CTPS2: variants seen among roughly 807,000 people sequenced by gnomAD.
The protein encoded by CTPS2 is CTP synthase 2.
A neutral mutation model predicts 46.8 loss-of-function variants in CTPS2; 19 were observed. That is an observed-to-expected ratio of 0.41 (90% CI 0.28 to 0.60). The LOEUF is 0.60. Ranked by LOEUF, CTPS2 falls within the 20% of genes least tolerant of loss-of-function variation. CTPS2 has a pLI of 0.35. For missense variants in CTPS2, 286 were observed against 447.6 expected (o/e 0.64, Z 3.26); for synonymous variants, 151 against 165.2 (o/e 0.91, Z 0.66).
intron 13 of CTPS2, among the ~76,000 whole-genome samples, chrX:16,662,698 CT>C (rs760420123): frequency 0.36 from 34,101 of 93,945 alleles, 5,251 homozygotes; most frequent in Non-Finnish European, 0.43. Context: ...TCTCCTTAGT[CT>C]TTTTTTTTTT....
At chrX:16,667,601 A>C (rs759164852) in intron 12 of CTPS2, 44 bp from the exon 13 acceptor site, 1 of 1,203,365 alleles carries the variant, frequency 8.3e-7, no homozygotes, top group African/African-American at 1.8e-5. Context: ...AATAGTGCTG[A>C]AAAATATTTG....
intron 16 of CTPS2, 129 bp from the exon 17 acceptor site, chrX:16,609,814 C>G (rs183297425): frequency 7.4e-4 from 493 of 666,969 alleles, no homozygotes; most frequent in Non-Finnish European, 9.2e-4. Flanking sequence ...ATCATTACAG[C>G]CAGTTACTTT....
chrX:16,602,618 T>TA (rs1929733521), intron 17 of CTPS2, among the ~76,000 whole-genome samples: 1 of 111,936 alleles, frequency 8.9e-6, no homozygotes, highest in Non-Finnish European at 1.9e-5. Context: ...TTCATGCAAC[T>TA]TGGAAAAATG....
chrX:16,648,493 A>T (rs1008782508), intron 13 of CTPS2, among the ~76,000 whole-genome samples: 14 of 112,596 alleles, frequency 1.2e-4, no homozygotes, highest in Non-Finnish European at 2.2e-4. Flanking sequence ...AAAGATGTTT[A>T]AAAAAAGATA....
chrX:16,664,957 C>A (rs1345260609), intron 13 of CTPS2, among the ~76,000 whole-genome samples: 1 of 111,299 alleles, frequency 9.0e-6, no homozygotes. Context: ...ATACAAATAC[C>A]CTAATTTTAA....
Position 16,667,442 on chromosome X carries a change from C to T in CTPS2, c.1296+72G>A, listed in dbSNP as rs934292322. The T allele has an allele frequency of 1.5e-4, 166 of 1,098,417 alleles. No homozygotes were observed. In the East Asian group the frequency reaches 4.8e-3, roughly 32 times the overall value. 90.5% of individuals were successfully genotyped at this position (1,098,417 alleles called of 1,213,427 possible). The stretch of plus-strand genomic sequence containing the variant: ...AGCCATGGCGCCCAGCCAATAGCCC[C>T]TTATGAATTTAGGCAAGAGCCAGGA... On this transcript the variant is annotated intron_variant, in intron 13 of 18. Coordinates refer to ENST00000359276, the MANE Select transcript of CTPS2 (RefSeq NM_175859.3).
chrX:16,656,873 G>GTT (rs200709483), intron 13 of CTPS2, among the ~76,000 whole-genome samples: 4 of 110,578 alleles, frequency 3.6e-5, no homozygotes, highest in East Asian at 5.7e-4. Flanking sequence ...GTTTTTTTGT[G>GTT]TTTTTTTGTT....
At chrX:16,676,964 CA>C (rs1054686920) in intron 10 of CTPS2, among the ~76,000 whole-genome samples, 3 of 106,936 alleles carry the variant, frequency 2.8e-5, no homozygotes, top group Non-Finnish European at 5.7e-5. Flanking sequence ...GAGGCTGAGG[CA>C]GAAGAATTGC....
intron 16 of CTPS2, among the ~76,000 whole-genome samples, chrX:16,610,980 A>G (rs781215085): frequency 7.3e-4 from 82 of 112,162 alleles, no homozygotes; most frequent in African/African-American, 2.5e-3. Flanking sequence ...AATGGGAGCT[A>G]AACATTGGGT....
At chrX:16,676,370 A>AAATT (rs1456031946) in intron 10 of CTPS2, among the ~76,000 whole-genome samples, 1 of 111,662 alleles carries the variant, frequency 9.0e-6, no homozygotes, top group Non-Finnish European at 1.9e-5. Context: ...TTATCTTGGG[A>AAATT]CCTCAAAAAG....
intron 15 of CTPS2, among the ~76,000 whole-genome samples, chrX:16,619,117 A>G (rs4831046): frequency 0.044 from 4,986 of 112,295 alleles, 145 homozygotes; most frequent in East Asian, 0.16. Flanking sequence ...AATGTCCTAC[A>G]TGTACCAAAT....
At chrX:16,599,852 C>T (rs1310937268) in intron 17 of CTPS2, among the ~76,000 whole-genome samples, 1 of 107,164 alleles carries the variant, frequency 9.3e-6, no homozygotes, top group Non-Finnish European at 1.9e-5. Context: ...GTGACCTTGG[C>T]TCACTGCAAC....
chrX:16,635,303 C>T (rs1421654991), intron 14 of CTPS2, among the ~76,000 whole-genome samples: 1 of 111,117 alleles, frequency 9.0e-6, no homozygotes, highest in Non-Finnish European at 1.9e-5. Context: ...AGAAATGTAC[C>T]AGCTTATAAA....
chrX:16,616,667 C>T (rs1330198024), intron 16 of CTPS2, among the ~76,000 whole-genome samples: 1 of 111,594 alleles, frequency 9.0e-6, no homozygotes, highest in East Asian at 2.8e-4. Flanking sequence ...TGGAGTCAGA[C>T]TAATAGGCTC....
At chrX:16,707,743 C>T (rs1043789349) in intron 1 of CTPS2, among the ~76,000 whole-genome samples, 2 of 112,094 alleles carry the variant, frequency 1.8e-5, no homozygotes, top group Non-Finnish European at 1.9e-5. Flanking sequence ...GAGGCCAAGG[C>T]GGGCGGATCA....
At chrX:16,709,611 G>A (rs1275031620) in intron 1 of CTPS2, among the ~76,000 whole-genome samples, 3 of 110,484 alleles carry the variant, frequency 2.7e-5, no homozygotes, top group Non-Finnish European at 5.7e-5. Flanking sequence ...AACACTTTGG[G>A]AGGCCAAGGC....
chrX:16,657,189 CT>C lies in CTPS2; in HGVS notation c.1296+10324del, dbSNP rs770294993. On this transcript the variant is annotated intron_variant, in intron 13 of 18. Transcript: ENST00000359276. ...ACAGGCATGAGCCACCATGCCCGGC[CT>C]TTTTTTTTTTTTTTTTTTTAATCTA... Among the ~76,000 whole-genome samples the C allele has an allele frequency of 6.1e-3, 516 of 84,601 alleles. 6 individuals are homozygous for C. Among genetic ancestry groups the C allele is most frequent in the African/African-American group, 0.016 (358 of 22,532 alleles). The allele number at this position is 84,601 out of a possible 115,157, so 73.5% of individuals were successfully genotyped here.
chrX:16,694,614 G>A (rs961361389), intron 4 of CTPS2, among the ~76,000 whole-genome samples: 23 of 112,706 alleles, frequency 2.0e-4, no homozygotes, highest in African/African-American at 7.1e-4. Flanking sequence ...TGGAGGTTTA[G>A]TTTAGTAGTC....
intron 17 of CTPS2, among the ~76,000 whole-genome samples, chrX:16,603,150 C>T: frequency 8.9e-6 from 1 of 111,750 alleles, no homozygotes; most frequent in South Asian, 3.7e-4. Context: ...GGCGCGGTGG[C>T]TCACACCTGT....
Sources: allele counts gnomAD v4.1 joint callset (sites outside exome capture counted in the v4.1 genomes callset), GRCh38; gene constraint gnomAD v4.1.1; transcripts MANE v1.5; gene names NCBI Gene and HGNC (gene_info 2026-07-23, HGNC 2026-07-21).